Variants in PCLO observed in about 807,000 individuals in gnomAD.
PCLO encodes piccolo presynaptic cytomatrix protein, also known as protein piccolo.
Under a neutral mutation model 427.5 loss-of-function variants are expected in PCLO, and 82 were observed. The ratio of observed to expected loss-of-function variants is 0.19; its 90% confidence interval spans 0.16 to 0.23. The LOEUF is 0.23. Ranked by LOEUF, PCLO falls within the 10% of genes least tolerant of loss-of-function variation. The pLI is 1.00. For missense variants in PCLO, 6,239 were observed against 6,115.9 expected (o/e 1.02, Z -0.67); for synonymous variants, 2,357 against 2,155.4 (o/e 1.09, Z -2.59).
intron 20 of PCLO, among the ~76,000 whole-genome samples, chr7:82,819,864 T>C (rs1228795242): frequency 6.6e-6 from 1 of 152,194 alleles, no homozygotes; most frequent in Non-Finnish European, 1.5e-5. Context: ...TATAGACTCA[T>C]AAAATCAAAT....
In PCLO at chr7:82,923,597, C is replaced by G. The variant is rs182077147; in HGVS notation, c.11113-6724G>C. Among the ~76,000 whole-genome samples the G allele has an allele frequency of 5.7e-4, 87 of 152,182 alleles. 1 individual carries two copies. Among genetic ancestry groups the G allele is most frequent in the African/African-American group, 1.8e-3 (76 of 41,544 alleles). On this transcript the variant is annotated intron_variant, in intron 6 of 24. Coordinates refer to ENST00000333891, the MANE Select transcript of PCLO (RefSeq NM_033026.6). ...ATGTTAGGTAGCAATCAGTGTGGCT[C>G]TGTCAAAGAGAAAATTGTGACAGCT...
At chr7:83,091,539 G>C (rs2116440507) in intron 3 of PCLO, among the ~76,000 whole-genome samples, 1 of 152,234 alleles carries the variant, frequency 6.6e-6, no homozygotes, top group Non-Finnish European at 1.5e-5. Flanking sequence ...GGACCAAAAT[G>C]ATTGTGAGAA....
In PCLO at chr7:82,953,407, T is replaced by C; in HGVS notation, c.7546A>G (p.Ile2516Val). ...TGTGTAGTTGTTGGAAGCTGAGGAA[T>C]CACTGGTTTGGGGGCGATTGGAGGT... ...SKPPIAPKPV[I>V]PQLPTTTQKP... is the part of the protein sequence containing the mutation. The change falls in exon 5 of 25, where the codon ATT (isoleucine) becomes GTT (valine). Residue 2516 changes from isoleucine to valine, a missense_variant. Ile to Val is a conservative substitution (Grantham distance 29, BLOSUM62 3). Coordinates refer to ENST00000333891, the MANE Select transcript of PCLO (RefSeq NM_033026.6). 6.2e-7 allele frequency: 1 copy of C among 1,613,594 alleles called. No individual in the cohort carries two copies. The highest frequency in any genetic ancestry group is 8.5e-7 in the Non-Finnish European group (1 of 1,179,810).
rs575975742 is a variant in PCLO, at chr7:83,008,505, C to T, written c.3301-42018G>A. 4.0e-5 allele frequency among the ~76,000 whole-genome samples: 6 copies of T among 151,752 alleles called. No individual in the cohort carries two copies. In the South Asian group the frequency reaches 1.2e-3, roughly 31 times the overall value. Reference sequence around the variant, plus strand: ...TTTTACAAGTAAGTTCATCAAGTTTCAAGATTACTGTTAGTAAAATGAGAA... The same window carrying T: ...TTTTACAAGTAAGTTCATCAAGTTTTAAGATTACTGTTAGTAAAATGAGAA... On this transcript the variant is annotated intron_variant, in intron 3 of 24. Transcript: ENST00000333891.
intron 3 of PCLO, among the ~76,000 whole-genome samples, chr7:82,986,677 T>C (rs1248045887): frequency 6.6e-6 from 1 of 151,944 alleles, no homozygotes; most frequent in Non-Finnish European, 1.5e-5. Flanking sequence ...ACAAATAAAA[T>C]TTAAGGCACA....
At chr7:82,768,100 G>C (rs1378697868) in intron 22 of PCLO, among the ~76,000 whole-genome samples, 1 of 152,078 alleles carries the variant, frequency 6.6e-6, no homozygotes, top group Non-Finnish European at 1.5e-5. Flanking sequence ...ATTTAAAACA[G>C]AGAATCAACT....
At position 82,805,754 on chromosome 7, in the gene PCLO, T is replaced by A; in HGVS notation, c.14867A>T (p.Tyr4956Phe). The A allele has an allele frequency of 6.2e-7, 1 of 1,612,360 alleles. No individual in the cohort carries two copies. Among genetic ancestry groups the A allele is most frequent in the Non-Finnish European group, 8.5e-7 (1 of 1,179,196 alleles). ...GCTGCTTCCTTCACTGTCCACGCTA[T>A]ACCCACTGCCAAAGCTGCTGCCCGA... The part of the protein sequence containing the change: ...GSSGSSFGSG[Y>F]SVDSEGSSST... The change falls in exon 21 of 25, where the codon TAT (tyrosine) becomes TTT (phenylalanine). Residue 4956 changes from tyrosine to phenylalanine, a missense_variant. Tyr to Phe is a conservative substitution (Grantham distance 22). Coordinates refer to ENST00000333891, the MANE Select transcript of PCLO (RefSeq NM_033026.6).
chr7:83,135,495 CT>C lies in PCLO; in HGVS notation c.2054del (p.Lys685ArgfsTer22), dbSNP rs1243200715. On this transcript the variant is annotated frameshift_variant, in exon 3 of 25. Transcript: ENST00000333891. LOFTEE classifies it high-confidence loss of function. ...SSPQPQQTSPKKDAAPKQDLS... is the reference protein window; with the variant it reads ...SSPQPQQTSPXKDAAPKQDLS... ...GATCCTGTTTTGGTGCAGCATCCTTCTTTGGGGAAGTCTGCTGTGGCTGTGG... is the reference window on the plus strand; with the variant it reads ...GATCCTGTTTTGGTGCAGCATCCTTCTTGGGGAAGTCTGCTGTGGCTGTGG... The C allele has an allele frequency of 6.2e-7, 1 of 1,613,596 alleles. No homozygotes were observed. The highest frequency in any genetic ancestry group is 8.5e-7 in the Non-Finnish European group (1 of 1,179,874).
chr7:83,139,454 C>T (rs527380400), intron 2 of PCLO, among the ~76,000 whole-genome samples: 15 of 152,282 alleles, frequency 9.9e-5, no homozygotes, highest in African/African-American at 3.1e-4. Flanking sequence ...CACTGCCAGA[C>T]ATATTTAATG....
chr7:83,098,950 A>G (rs760361053), intron 3 of PCLO, among the ~76,000 whole-genome samples: 4 of 152,084 alleles, frequency 2.6e-5, no homozygotes, highest in Admixed American at 2.0e-4. Context: ...ATAGGAAAGA[A>G]AGGATTTACA....
intron 14 of PCLO, among the ~76,000 whole-genome samples, chr7:82,839,910 A>C (rs1584033447): frequency 6.6e-6 from 1 of 152,086 alleles, no homozygotes; most frequent in Non-Finnish European, 1.5e-5. Flanking sequence ...TAAAATAATA[A>C]TAATAATAAT....
Position 83,053,881 on chromosome 7 carries a change from A to G in PCLO, c.3300+80369T>C, listed in dbSNP as rs975757828. Among the ~76,000 whole-genome samples the G allele has an allele frequency of 7.2e-5, 11 of 152,004 alleles. 1 individual carries two copies. Among genetic ancestry groups the G allele is most frequent in the Non-Finnish European group, 1.5e-5 (1 of 67,866 alleles). ...AAACTTTAACAAAACTACCAGACAC[A>G]TCTTCACTTCAGAGATGTTGAAATG... On this transcript the variant is annotated intron_variant, in intron 3 of 24. Coordinates refer to ENST00000333891, the MANE Select transcript of PCLO (RefSeq NM_033026.6).
At chr7:82,784,568 T>A (rs903416456) in intron 22 of PCLO, among the ~76,000 whole-genome samples, 1 of 152,232 alleles carries the variant, frequency 6.6e-6, no homozygotes, top group African/African-American at 2.4e-5. Flanking sequence ...TTTGGTACTT[T>A]GTTTAGTTTA....
intron 3 of PCLO, among the ~76,000 whole-genome samples, chr7:82,973,118 G>A (rs887011530): frequency 2.6e-5 from 4 of 151,766 alleles, no homozygotes; most frequent in African/African-American, 7.3e-5. Flanking sequence ...CTACACAATC[G>A]ATTGTTCAGA....
At position 82,838,306 on chromosome 7, in the gene PCLO, G is replaced by A. The variant is rs2115759568; in HGVS notation, c.14134C>T (p.His4712Tyr). The A allele has an allele frequency of 6.5e-7, 1 of 1,536,242 alleles. No individual in the cohort carries two copies. Among genetic ancestry groups the A allele is most frequent in the Non-Finnish European group, 8.9e-7 (1 of 1,119,920 alleles). The stretch of plus-strand genomic sequence containing the variant: ...ACAAGATTTCTTGCTTGGAGAATAT[G>A]TATTATGAGATTTCCAAGATCATAG... ...INYDLGNLII[H>Y]ILQARNLVPR... Residue 4712 changes from histidine (H) to tyrosine (Y), a missense_variant, in exon 15 of 25, where the codon CAT (histidine) becomes TAT (tyrosine). This residue lies in a region of PCLO where 877 missense variants were observed against 925.5 expected (regional missense o/e 0.95). Transcript: ENST00000333891.
chr7:83,134,834 T>G lies in PCLO; in HGVS notation c.2716A>C (p.Ser906Arg). 6.2e-7 allele frequency: 1 copy of G among 1,612,672 alleles called. No homozygotes were observed. The highest frequency in any genetic ancestry group is 8.5e-7 in the Non-Finnish European group (1 of 1,179,198). ...PKPQEQSRRF[S>R]LNLGSITDAP... ...TCAGTAATACTTCCCAGATTCAGAC[T>G]GAAACGCCTTGACTGCTCCTGAGGC... The change falls in exon 3 of 25, where the codon AGT (serine) becomes CGT (arginine). Residue 906 changes from serine (S) to arginine (R), a missense_variant. Physicochemically the swap from Ser to Arg is moderately radical, Grantham distance 110 (BLOSUM62 -1). Around this residue, in one of 5 missense-constraint regions of PCLO, gnomAD observed 4,677 missense variants for 4,468.4 expected, o/e 1.05. Transcript: ENST00000333891.
At chr7:83,107,820 G>A (rs1387332852) in intron 3 of PCLO, among the ~76,000 whole-genome samples, 1 of 150,908 alleles carries the variant, frequency 6.6e-6, no homozygotes, top group Non-Finnish European at 1.5e-5. Context: ...GAAACCCCAA[G>A]TCTACTAAAA....
At position 82,914,956 on chromosome 7, in the gene PCLO, T is replaced by C. The variant is rs372923895; in HGVS notation, c.13030A>G (p.Ile4344Val). Reference protein sequence around the residue: ...SARTKPTSLPISQSRGRIPIV... With the variant: ...SARTKPTSLPVSQSRGRIPIV... ...GGTATTCTTCCTCTACTTTGACTAA[T>C]TGGCAAACTGGTCGGCTTAGTTCTG... The change falls in exon 7 of 25, where the codon ATT becomes GTT. Residue 4344 changes from isoleucine to valine, a missense_variant. Around this residue, in one of 5 missense-constraint regions of PCLO, gnomAD observed 680 missense variants for 677.3 expected, o/e 1.00. Coordinates refer to ENST00000333891, the MANE Select transcript of PCLO (RefSeq NM_033026.6). 40 of 1,613,734 alleles carry C rather than the reference T, an allele frequency of 2.5e-5. No individual in the cohort carries two copies. The Admixed American group carries it at 2.8e-4, about 11-fold the overall frequency.
chr7:82,762,945 CT>C (rs1163898615), intron 22 of PCLO, among the ~76,000 whole-genome samples: 2 of 151,902 alleles, frequency 1.3e-5, no homozygotes, highest in African/African-American at 2.4e-5. Context: ...TACCTCACTT[CT>C]TTTTTCCTTT....
Sources: allele counts gnomAD v4.1 joint callset (sites outside exome capture counted in the v4.1 genomes callset), GRCh38; gene constraint gnomAD v4.1.1; regional missense constraint gnomAD v4.1.1; transcripts MANE v1.5; gene names NCBI Gene and HGNC (gene_info 2026-07-23, HGNC 2026-07-21).